The following G6PD variants were observed in gnomAD, a reference collection of about 807,000 sequenced individuals.
G6PD encodes the protein glucose-6-phosphate dehydrogenase, also known as glucose-6-phosphate 1-dehydrogenase.
In G6PD, 2 loss-of-function variants were observed where a neutral mutation model predicts 38.2. The ratio of observed to expected loss-of-function variants is 0.05; its 90% CI spans 0.02 to 0.16. G6PD has a LOEUF of 0.16. Ranked by LOEUF, G6PD falls within the 10% of genes least tolerant of loss-of-function variation. G6PD has a pLI of 1.00. For missense variants in G6PD, 310 were observed against 471.6 expected (o/e 0.66, Z 3.17); for synonymous variants, 188 against 196.0 (o/e 0.96, Z 0.34).
At chrX:154,539,250 T>C (rs1361747546) in intron 2 of G6PD, among the ~76,000 whole-genome samples, 1 of 111,476 alleles carries the variant, frequency 9.0e-6, no homozygotes, top group African/African-American at 3.3e-5. Flanking sequence ...GGCCCCAAAC[T>C]GGAAACAAGT....
chrX:154,534,560 T>C, intron 5 of G6PD, 64 bp from the exon 6 acceptor site: 1 of 1,181,791 alleles, frequency 8.5e-7, no homozygotes, highest in Non-Finnish European at 1.1e-6. Context: ...GGATCAGAGC[T>C]GCATCATTCA....
intron 2 of G6PD, among the ~76,000 whole-genome samples, chrX:154,544,847 C>T (rs113492957): frequency 0.028 from 3,168 of 112,275 alleles, 107 homozygotes; most frequent in African/African-American, 0.096. Flanking sequence ...AGTGTGACAG[C>T]GCGTTGTTCT....
intron 2 of G6PD, among the ~76,000 whole-genome samples, chrX:154,544,353 G>A (rs901952313): frequency 4.5e-5 from 5 of 109,995 alleles, no homozygotes; most frequent in Non-Finnish European, 9.5e-5. Context: ...GTAGAGATGG[G>A]GTTTCACCAT....
rs267606835 is a variant in G6PD, at chrX:154,535,336, G to A, written c.317C>T (p.Ser106Phe). The part of the protein sequence containing the change: ...LKLEDFFARN[S>F]YVAGQYDDAA... ...ATCATCGTACTGGCCAGCCACATAG[G>A]AGTTGCGGGCAAAGAAGTCCTCCAG... Residue 106 changes from serine to phenylalanine, a missense_variant, in exon 5 of 13, where the codon TCC becomes TTC. Ser to Phe is a radical substitution (Grantham distance 155). Transcript: ENST00000393562. 1.2e-5 allele frequency: 14 copies of A among 1,210,741 alleles called. No individual in the cohort carries two copies. The highest frequency in any genetic ancestry group is 1.6e-5 in the Non-Finnish European group (14 of 895,291).
At position 154,535,244 on chromosome X, in the gene G6PD, G is replaced by A; in HGVS notation, c.409C>T (p.Leu137Phe). The A allele has an allele frequency of 8.2e-7, 1 of 1,212,148 alleles. No homozygotes were observed. ...ALHLGSQANR[L>F]FYLALPPTVY... ...GTCGGGGGCAAGGCCAGGTAGAAGAGGCGGTTGGCCTGTGACCCCAGGTGG... is the reference window on the plus strand; with the variant it reads ...GTCGGGGGCAAGGCCAGGTAGAAGAAGCGGTTGGCCTGTGACCCCAGGTGG... The change falls in exon 5 of 13, where the codon CTC (leucine) becomes TTC (phenylalanine). Residue 137 changes from leucine to phenylalanine, a missense_variant. Leu to Phe is a conservative substitution (Grantham distance 22). This residue lies in a region of G6PD where 96 missense variants were observed against 93.3 expected (regional missense o/e 1.03). Coordinates refer to ENST00000393562, the MANE Select transcript of G6PD (RefSeq NM_001360016.2).
At chrX:154,538,181 G>C (rs1366157637) in intron 2 of G6PD, among the ~76,000 whole-genome samples, 1 of 110,188 alleles carries the variant, frequency 9.1e-6, no homozygotes, top group Non-Finnish European at 1.9e-5. Flanking sequence ...TTTTTGTAGA[G>C]ACAGGGTTTC....
rs375741735 is a variant in G6PD, at chrX:154,534,428, T to C, written c.554A>G (p.Asn185Ser). The change falls in exon 6 of 13, where the codon AAC becomes AGC. Residue 185 changes from asparagine (N) to serine (S), a missense_variant. By Grantham distance (46) the Asn-to-Ser change is conservative. Coordinates refer to ENST00000393562, the MANE Select transcript of G6PD (RefSeq NM_001360016.2). ...RDLQSSDRLS[N>S]HISSLFREDQ... is the part of the protein sequence containing the mutation. ...CTCACGGAACAGGGAGGAGATGTGG[T>C]TGGACAGCCGGTCAGAGCTCTGCAG... 53 of 1,211,407 alleles carry C rather than the reference T, an allele frequency of 4.4e-5. No homozygotes were observed. The highest frequency in any genetic ancestry group is 5.7e-5 in the Non-Finnish European group (51 of 895,181).
At chrX:154,533,903 G>C (rs2070373262) in intron 7 of G6PD, 132 bp downstream of exon 7, 4 of 1,199,890 alleles carry the variant, frequency 3.3e-6, no homozygotes, top group South Asian at 1.8e-5. Flanking sequence ...AGCCCGGTCT[G>C]ATAGCTCAGA....
At chrX:154,536,685 C>G (rs1251957788) in intron 2 of G6PD, among the ~76,000 whole-genome samples, 1 of 110,838 alleles carries the variant, frequency 9.0e-6, no homozygotes, top group African/African-American at 3.3e-5. Context: ...CAAAAATTAG[C>G]CAGGTGTGGT....
In G6PD at chrX:154,545,516, A is replaced by C. The variant is rs781999074; in HGVS notation, c.120+520T>G. On this transcript the variant is annotated intron_variant, in intron 2 of 12. Coordinates refer to ENST00000393562, the MANE Select transcript of G6PD (RefSeq NM_001360016.2). ...CTGCAACTCCAGGATTAAGGGCTAC[A>C]TTCAGCGGCTAGGCACAGGGTTCAG... 8.9e-5 allele frequency among the ~76,000 whole-genome samples: 10 copies of C among 111,780 alleles called. No homozygotes were observed. The South Asian group carries it at 3.7e-3, about 41-fold the overall frequency.
At position 154,532,238 on chromosome X, in the gene G6PD, C is replaced by A. The variant is rs2070346134; in HGVS notation, c.1407G>T (p.Leu469=). ...REAWRIFTPL[L]HQIELEKPKP... is the part of the protein sequence containing the mutation. ...TGGGCTTCTCCAGCTCAATCTGGTG[C>A]AGCAGTGGGGTGAAAATACGCCAGG... The change falls in exon 12 of 13, where the codon CTG becomes CTT. Residue 469 remains leucine (L), a synonymous_variant. Coordinates refer to ENST00000393562, the MANE Select transcript of G6PD (RefSeq NM_001360016.2). 2 of 1,209,784 alleles carry A rather than the reference C, an allele frequency of 1.7e-6. No individual in the cohort carries two copies. The highest frequency in any genetic ancestry group is 2.2e-6 in the Non-Finnish European group (2 of 895,033).
intron 2 of G6PD, among the ~76,000 whole-genome samples, chrX:154,544,713 T>C (rs1316782737): frequency 1.8e-5 from 2 of 111,922 alleles, no homozygotes; most frequent in African/African-American, 6.5e-5. Context: ...CAGAGGACAA[T>C]GGCCCCTCCT....
At chrX:154,545,294 C>A (rs1458624736) in intron 2 of G6PD, among the ~76,000 whole-genome samples, 1 of 111,873 alleles carries the variant, frequency 8.9e-6, no homozygotes, top group Admixed American at 9.5e-5. Flanking sequence ...GAAATTGAGG[C>A]AAAGAGACAG....
Position 154,531,999 on chromosome X carries a change from C to A in G6PD, c.*1G>T. On this transcript the variant is annotated 3_prime_UTR_variant, in exon 13 of 13. Transcript: ENST00000393562. ...CGGGGGTGGAGGTGGGTGCCCAGGG[C>A]TCAGAGCTTGTGGGGGTTCACCCAC... The A allele has an allele frequency of 8.3e-7, 1 of 1,208,353 alleles. No homozygotes were observed. The highest frequency in any genetic ancestry group is 1.1e-6 in the Non-Finnish European group (1 of 894,278).
intron 8 of G6PD, 62 bp from the exon 9 acceptor site, chrX:154,533,190 CTG>C: frequency 1.8e-6 from 2 of 1,134,220 alleles, no homozygotes; most frequent in Non-Finnish European, 2.4e-6. Context: ...GCAGGGATGA[CTG>C]TGGCCACAGA....
At chrX:154,546,550 C>CTT (rs1204132002) in intron 1 of G6PD, among the ~76,000 whole-genome samples, 5 of 111,202 alleles carry the variant, frequency 4.5e-5, no homozygotes, top group African/African-American at 1.6e-4. Flanking sequence ...GGTGCAGATG[C>CTT]TGGAGTTCAG....
chrX:154,540,762 A>C (rs1198328569), intron 2 of G6PD, among the ~76,000 whole-genome samples: 1 of 111,703 alleles, frequency 9.0e-6, no homozygotes, highest in Non-Finnish European at 1.9e-5. Context: ...CCTCACCCAG[A>C]GCCAGGCAGT....
intron 2 of G6PD, among the ~76,000 whole-genome samples, chrX:154,542,699 G>T (rs1421861646): frequency 1.8e-5 from 2 of 112,075 alleles, no homozygotes; most frequent in Non-Finnish European, 3.8e-5. Flanking sequence ...TCAGTTTCTA[G>T]GTCATGCTGA....
chrX:154,544,697 G>A (rs1302313720), intron 2 of G6PD, among the ~76,000 whole-genome samples: 2 of 112,020 alleles, frequency 1.8e-5, no homozygotes, highest in East Asian at 2.8e-4. Flanking sequence ...CAGGCTTATG[G>A]GGAGTCAGAG....
Sources: gnomAD v4.1 joint callset for allele counts (sites outside exome capture counted in the v4.1 genomes callset) on GRCh38, gnomAD v4.1.1 for gene constraint, gnomAD v4.1.1 regional missense constraint, MANE v1.5 for transcripts, NCBI Gene and HGNC (gene_info 2026-07-23, HGNC 2026-07-21) for gene names.